The following GUCA1B variants were observed in gnomAD, a reference collection of about 807,000 sequenced individuals.
GUCA1B encodes guanylate cyclase activator 1B.
GUCA1B carries 22 observed loss-of-function variants against 24.2 expected under a neutral mutation model. The observed-to-expected ratio is 0.91, with a 90% CI of 0.65 to 1.30. The LOEUF (loss-of-function observed/expected upper bound fraction) is 1.30, where lower values mean the gene tolerates loss of function less well. Ranked by LOEUF, GUCA1B falls within the 50% of genes most tolerant of loss-of-function variation. GUCA1B has a pLI of 0.00. For synonymous variants in GUCA1B, 100 were observed against 97.9 expected (o/e 1.02, Z -0.13); for missense variants, 221 against 258.8 (o/e 0.85, Z 1.00).
intron 2 of GUCA1B, among the ~76,000 whole-genome samples, chr6:42,187,061 T>C (rs554402615): frequency 6.6e-6 from 1 of 152,304 alleles, no homozygotes; most frequent in African/African-American, 2.4e-5. Flanking sequence ...TTCTATTTTA[T>C]TGATTTCTGC....
rs1047095103 is a variant in GUCA1B, at chr6:42,184,837, C to T, written c.581G>A (p.Arg194Lys). 5 of 1,614,142 alleles carry T rather than the reference C, an allele frequency of 3.1e-6. No homozygotes were observed. Among genetic ancestry groups the T allele is most frequent in the African/African-American group, 2.7e-5 (2 of 75,048 alleles). ...TCCTCAGAACATGGCACTTTTCCGT[C>T]TCTGCTGAGCGAGCCAGCTGCTGGG... ...MNPSSWLAQQ[R>K]RKSAMF is the part of the protein sequence containing the mutation. The change falls in exon 4 of 4, where the codon AGA becomes AAA. Residue 194 changes from arginine (R) to lysine (K), a missense_variant. Arg to Lys is a conservative substitution (Grantham distance 26). Coordinates refer to ENST00000230361, the MANE Select transcript of GUCA1B (RefSeq NM_002098.6).
chr6:42,184,755 A>T lies in GUCA1B; in HGVS notation c.*60T>A. On this transcript the variant is annotated 3_prime_UTR_variant, in exon 4 of 4. Coordinates refer to ENST00000230361, the MANE Select transcript of GUCA1B (RefSeq NM_002098.6). ...TGGGCATGAGCAGGCTGAGCCAGGG[A>T]CCCTCCTACTACCCTGGAAACCTGG... The T allele has an allele frequency of 6.5e-7, 1 of 1,538,756 alleles. No homozygotes were observed. The highest frequency in any genetic ancestry group is 9.0e-7 in the Non-Finnish European group (1 of 1,112,964).
At chr6:42,194,494 G>C in intron 1 of GUCA1B, 120 bp downstream of exon 1, 1 of 746,060 alleles carries the variant, frequency 1.3e-6, no homozygotes, top group Non-Finnish European at 2.5e-6. Flanking sequence ...GAGAGACGGA[G>C]TGGAAAGAAG....
At chr6:42,194,299 A>G (rs139460990) in intron 1 of GUCA1B, among the ~76,000 whole-genome samples, 2 of 152,326 alleles carry the variant, frequency 1.3e-5, no homozygotes, top group Non-Finnish European at 2.9e-5. Flanking sequence ...AGTCTTGGTC[A>G]AAAATACACA....
chr6:42,191,333 TCCTA>T (rs1240337228), intron 1 of GUCA1B, among the ~76,000 whole-genome samples: 5 of 152,144 alleles, frequency 3.3e-5, no homozygotes, highest in African/African-American at 9.7e-5. Flanking sequence ...GACGAGGTGT[TCCTA>T]CCTTTTTGTC....
rs145820031 is a variant in GUCA1B, at chr6:42,194,880, T to A, written c.-60A>T. 8.0e-7 allele frequency: 1 copy of A among 1,242,688 alleles called. No individual in the cohort carries two copies. The highest frequency in any genetic ancestry group is 1.1e-6 in the Non-Finnish European group (1 of 872,204). The allele number at this position is 1,242,688 out of a possible 1,614,324, so 77.0% of individuals were successfully genotyped here. ...GTATCTCCTCCCTGGCTTCTGCTGA[T>A]GGATCTCTCCAACTAGGGCCCTCTT... On this transcript the variant is annotated 5_prime_UTR_variant, in exon 1 of 4. Coordinates refer to ENST00000230361, the MANE Select transcript of GUCA1B (RefSeq NM_002098.6).
intron 2 of GUCA1B, among the ~76,000 whole-genome samples, chr6:42,187,651 G>C (rs1329908390): frequency 6.6e-6 from 1 of 150,888 alleles, no homozygotes; most frequent in African/African-American, 2.4e-5. Flanking sequence ...TTGAACTCCT[G>C]GGCTCAAGTG....
chr6:42,184,307 G>A lies in GUCA1B; in HGVS notation c.*508C>T, dbSNP rs1262607912. The A allele has an allele frequency of 5.0e-6, 1 of 198,198 alleles. No homozygotes were observed. Among genetic ancestry groups the A allele is most frequent in the Non-Finnish European group, 1.1e-5 (1 of 95,086 alleles). The allele number at this position is 198,198 out of a possible 1,614,324, so 12.3% of individuals were successfully genotyped here. A position where few individuals can be genotyped will look rare whatever the true frequency, so the allele number is the denominator to read the frequency against. On this transcript the variant is annotated 3_prime_UTR_variant, in exon 4 of 4. Transcript: ENST00000230361. ...GGTTTCACCCCGTGTTAGCCAGGAT[G>A]GTCTCGATCTCCTGACCTCGTGATC...
Position 42,183,982 on chromosome 6 carries a change from G to C in GUCA1B, c.*833C>G, listed in dbSNP as rs1768148472. Among the ~76,000 whole-genome samples the C allele has an allele frequency of 6.6e-6, 1 of 152,164 alleles. No individual in the cohort carries two copies. The highest frequency in any genetic ancestry group is 2.4e-5 in the African/African-American group (1 of 41,428). On this transcript the variant is annotated 3_prime_UTR_variant, in exon 4 of 4. Coordinates refer to ENST00000230361, the MANE Select transcript of GUCA1B (RefSeq NM_002098.6). Reference sequence around the variant, plus strand: ...TCCTGTTGACACCACTGGTGAGGATGCCTTGGGGAGGAGGAGGCCAGGGTC... The same window carrying C: ...TCCTGTTGACACCACTGGTGAGGATCCCTTGGGGAGGAGGAGGCCAGGGTC...
intron 1 of GUCA1B, among the ~76,000 whole-genome samples, chr6:42,191,424 TTAGAAATCTCAGA>T (rs746981854): frequency 9.9e-5 from 15 of 152,164 alleles, no homozygotes; most frequent in Non-Finnish European, 1.9e-4. Context: ...TGGATTTGCT[TTAGAAATCTCAGA>T]CCGATTGTTC....
At chr6:42,192,390 GA>G (rs1582334650) in intron 1 of GUCA1B, among the ~76,000 whole-genome samples, 1 of 11,338 alleles carries the variant, frequency 8.8e-5, no homozygotes, top group Non-Finnish European at 2.8e-4. Context: ...AGAGAGAAAA[GA>G]AAAGAAAAGA....
rs1768242860 is a variant in GUCA1B, at chr6:42,188,820, T to A, written c.208-89A>T. ...CCTGCAAACACAGGGCTTCTCCTCCTCCTTTTAATCCATGTGGCCTCTGTG... is the reference window on the plus strand; with the variant it reads ...CCTGCAAACACAGGGCTTCTCCTCCACCTTTTAATCCATGTGGCCTCTGTG... On this transcript the variant is annotated intron_variant, in intron 1 of 3. Coordinates refer to ENST00000230361, the MANE Select transcript of GUCA1B (RefSeq NM_002098.6). 3.2e-6 allele frequency: 4 copies of A among 1,258,656 alleles called. No individual in the cohort carries two copies. In the Admixed American group the frequency reaches 7.9e-5, roughly 25 times the overall value. The allele number at this position is 1,258,656 out of a possible 1,614,324, so 78.0% of individuals were successfully genotyped here.
intron 1 of GUCA1B, among the ~76,000 whole-genome samples, chr6:42,190,271 T>A (rs1009236643): frequency 3.3e-5 from 5 of 152,088 alleles, no homozygotes; most frequent in Non-Finnish European, 7.4e-5. Context: ...CTTATCTAAT[T>A]GAGGTCAGAT....
rs1768366558 is a variant in GUCA1B at position 42,194,659 on chromosome 6, G to A, written c.162C>T (p.Ala54=). Reference sequence around the variant, plus strand: ...GGAACATGCCCTCTACATACTGGGAGGCCTCCTCATCGTCTGTGACCTTGA... The same window carrying A: ...GGAACATGCCCTCTACATACTGGGAAGCCTCCTCATCGTCTGTGACCTTGA... The part of the protein sequence containing the change: ...RFFKVTDDEE[A]SQYVEGMFRA... The change falls in exon 1 of 4, where the codon GCC becomes GCT. Residue 54 remains alanine (A), a synonymous_variant. Coordinates refer to ENST00000230361, the MANE Select transcript of GUCA1B (RefSeq NM_002098.6). 6.2e-7 allele frequency: 1 copy of A among 1,613,610 alleles called. No individual in the cohort carries two copies. Among genetic ancestry groups the A allele is most frequent in the African/African-American group, 1.3e-5 (1 of 74,910 alleles).
intron 1 of GUCA1B, among the ~76,000 whole-genome samples, chr6:42,190,008 A>T (rs1307461362): frequency 2.6e-5 from 4 of 152,184 alleles, no homozygotes; most frequent in South Asian, 4.1e-4. Flanking sequence ...ATCAGAAATG[A>T]CACTGATGGC....
chr6:42,191,932 G>C (rs1323875867), intron 1 of GUCA1B, among the ~76,000 whole-genome samples: 1 of 150,510 alleles, frequency 6.6e-6, no homozygotes, highest in African/African-American at 2.5e-5. Context: ...CTCAGCTGCA[G>C]TCTTCAAAAA....
At position 42,188,624 on chromosome 6, in the gene GUCA1B, G is replaced by A; in HGVS notation, c.315C>T (p.Gly105=). ...KWTFKIYDKD[G]NGCIDRLELL... ...GCTCCAGGCGGTCGATGCAGCCATT[G>A]CCATCCTTATCATAGATCTTGAATG... Residue 105 remains glycine, a synonymous_variant, in exon 2 of 4, where the codon GGC becomes GGT. Transcript: ENST00000230361. The A allele has an allele frequency of 6.2e-7, 1 of 1,614,080 alleles. No individual in the cohort carries two copies.
At chr6:42,192,081 C>T (rs1424355686) in intron 1 of GUCA1B, among the ~76,000 whole-genome samples, 2 of 149,466 alleles carry the variant, frequency 1.3e-5, no homozygotes, top group Non-Finnish European at 3.0e-5. Context: ...GAAGGCCAGG[C>T]ATGGTGGCTC....
chr6:42,192,503 G>C (rs2113848434), intron 1 of GUCA1B, among the ~76,000 whole-genome samples: 1 of 151,734 alleles, frequency 6.6e-6, no homozygotes, highest in Middle Eastern at 3.4e-3. Context: ...CTTCAGGTCA[G>C]GAGTTCGACA....
Sources: allele counts gnomAD v4.1 joint callset (sites outside exome capture counted in the v4.1 genomes callset), GRCh38; gene constraint gnomAD v4.1.1; transcripts MANE v1.5; gene names NCBI Gene and HGNC (gene_info 2026-07-23, HGNC 2026-07-21).